OCA2: variants seen among roughly 807,000 people sequenced by gnomAD.
OCA2 encodes the protein P protein.
A neutral mutation model predicts 100.2 loss-of-function variants in OCA2; 77 were observed. That is an observed-to-expected ratio of 0.77 (90% CI 0.64 to 0.93). The LOEUF is 0.93. Ranked by LOEUF, OCA2 falls within the 40% of genes least tolerant of loss-of-function variation. The pLI is 0.00. For missense variants in OCA2, 1,062 were observed against 1,089.1 expected (o/e 0.98, Z 0.35); for synonymous variants, 432 against 439.2 (o/e 0.98, Z 0.21).
chr15:27,953,856 T>C (rs2040121171), intron 17 of OCA2, among the ~76,000 whole-genome samples: 1 of 152,048 alleles, frequency 6.6e-6, no homozygotes, highest in Non-Finnish European at 1.5e-5. Context: ...GGTGCTCCCA[T>C]AGCCTGAACA....
the OCA2 span, among the ~76,000 whole-genome samples, chr15:27,719,530 A>G: frequency 6.6e-6 from 1 of 152,220 alleles, no homozygotes; most frequent in African/African-American, 2.4e-5. Context: ...ACATGTAGGC[A>G]CACTCATACA....
intron 22 of OCA2, among the ~76,000 whole-genome samples, chr15:27,847,546 A>G (rs1453299224): frequency 6.6e-6 from 1 of 152,162 alleles, no homozygotes; most frequent in Non-Finnish European, 1.5e-5. Context: ...AGGAGGCCAA[A>G]GACAGGAGGC....
chr15:28,028,186 A>G, intron 3 of OCA2, 127 bp from the exon 4 acceptor site: 1 of 1,041,232 alleles, frequency 9.6e-7, no homozygotes, highest in Non-Finnish European at 1.5e-6. Context: ...GACCACAGAC[A>G]GTGGTGCACT....
rs535406472 is a variant in OCA2, at chr15:28,060,963, C to T, written c.227+20685G>A. On this transcript the variant is annotated intron_variant, in intron 2 of 23. Coordinates refer to ENST00000354638, the MANE Select transcript of OCA2 (RefSeq NM_000275.3). ...GAGGTGAATAGCCTTCTCTCCTGGG[C>T]GTTTGCCACAAACAATGAGCAGCAA... Among the ~76,000 whole-genome samples the T allele has an allele frequency of 5.9e-5, 9 of 152,322 alleles. No homozygotes were observed. In the South Asian group the frequency reaches 1.0e-3, roughly 18 times the overall value.
intron 23 of OCA2, among the ~76,000 whole-genome samples, chr15:27,811,685 C>T (rs2034084348): frequency 6.6e-6 from 1 of 152,150 alleles, no homozygotes; most frequent in South Asian, 2.1e-4. Flanking sequence ...GGACACAGGG[C>T]CGTGGCGTGT....
intron 3 of OCA2, among the ~76,000 whole-genome samples, chr15:28,029,824 T>C (rs1388010207): frequency 6.6e-6 from 1 of 152,182 alleles, no homozygotes; most frequent in Non-Finnish European, 1.5e-5. Flanking sequence ...GAAAAAGACA[T>C]TCCTACCACC....
intron 23 of OCA2, among the ~76,000 whole-genome samples, chr15:27,816,021 C>G (rs1304828433): frequency 2.0e-5 from 3 of 152,144 alleles, no homozygotes; most frequent in Non-Finnish European, 4.4e-5. Context: ...GTAGTCCCAG[C>G]TACTCAGGAG....
intron 18 of OCA2, among the ~76,000 whole-genome samples, chr15:27,941,102 T>C (rs2039631496): frequency 6.6e-6 from 1 of 152,230 alleles, no homozygotes; most frequent in African/African-American, 2.4e-5. Flanking sequence ...TGGTTTTCTA[T>C]AGTGAATATA....
chr15:27,810,371 G>A (rs1351080666), intron 23 of OCA2, among the ~76,000 whole-genome samples: 1 of 152,184 alleles, frequency 6.6e-6, no homozygotes, highest in Non-Finnish European at 1.5e-5. Flanking sequence ...ATGGATCAAA[G>A]ACTTAAATCT....
chr15:27,811,457 C>T (rs1176232333), intron 23 of OCA2, among the ~76,000 whole-genome samples: 1 of 152,078 alleles, frequency 6.6e-6, no homozygotes, highest in East Asian at 1.9e-4. Context: ...TCAGAATCCA[C>T]CACTATATAA....
rs60426286 is a variant in OCA2, at chr15:27,922,680, GGTGTGTGTGTGTGTGTGTGT to G, written c.2079+3427_2079+3446del. Among the ~76,000 whole-genome samples the G allele has an allele frequency of 6.1e-5, 9 of 147,108 alleles. No homozygotes were observed. The South Asian group carries it at 6.4e-4, about 11-fold the overall frequency. On this transcript the variant is annotated intron_variant, in intron 19 of 23. Coordinates refer to ENST00000354638, the MANE Select transcript of OCA2 (RefSeq NM_000275.3). ...ATAGCTTTTGTGGTTTTTTGTTTGG[GGTGTGTGTGTGTGTGTGTGT>G]GTGTGTGTGTGTGTGTGTGTGTTTC...
chr15:28,098,281 G>T (rs187588110), intron 1 of OCA2, among the ~76,000 whole-genome samples: 10 of 152,290 alleles, frequency 6.6e-5, no homozygotes, highest in Admixed American at 5.9e-4. Flanking sequence ...CTGTGTTCAG[G>T]TTCAATCCTC....
intron 18 of OCA2, among the ~76,000 whole-genome samples, chr15:27,945,788 G>A (rs1279120829): frequency 1.3e-5 from 2 of 152,078 alleles, no homozygotes; most frequent in Admixed American, 6.6e-5. Flanking sequence ...CATCATGAGA[G>A]AATCTGGGGT....
intron 8 of OCA2, 119 bp from the exon 9 acceptor site, chr15:28,015,048 T>C: frequency 1.8e-6 from 2 of 1,083,118 alleles, no homozygotes; most frequent in Non-Finnish European, 2.7e-6. Context: ...ACGCCCAATC[T>C]CACAGCTGGA....
At chr15:27,775,098 GTGTGTC>G (rs1459915276) in intron 23 of OCA2, among the ~76,000 whole-genome samples, 2 of 147,462 alleles carry the variant, frequency 1.4e-5, no homozygotes, top group African/African-American at 2.6e-5. Flanking sequence ...GTGTGTGTGT[GTGTGTC>G]TGTGTGTTTG....
At chr15:27,726,300 AAAATAAATAAATAAAT>A in the OCA2 span, among the ~76,000 whole-genome samples, 1,310 of 146,518 alleles carry the variant, frequency 8.9e-3, 18 homozygotes, top group African/African-American at 0.031. Flanking sequence ...TCCAGCTCAA[AAAATAAATAAATAAAT>A]AAATAAATAA....
chr15:27,933,113 G>C (rs1009724694), intron 18 of OCA2, among the ~76,000 whole-genome samples: 13 of 152,136 alleles, frequency 8.5e-5, no homozygotes, highest in African/African-American at 2.4e-4. Context: ...GAGGAAACTG[G>C]ATATCTGCAT....
chr15:28,028,081 G>C, intron 3 of OCA2, 22 bp from the exon 4 acceptor site: 1 of 1,613,188 alleles, frequency 6.2e-7, no homozygotes, highest in Non-Finnish European at 8.5e-7. Context: ...GAGAGGTGTG[G>C]TTATCTCTCC....
At chr15:27,752,657 G>T (rs1356630812), downstream of OCA2, among the ~76,000 whole-genome samples, 1 of 152,094 alleles carries the variant, frequency 6.6e-6, no homozygotes, top group Non-Finnish European at 1.5e-5. Flanking sequence ...AGGAAGAAAG[G>T]CATAAACTCA....
Sources: gnomAD v4.1 joint callset for allele counts (sites outside exome capture counted in the v4.1 genomes callset) on GRCh38, gnomAD v4.1.1 for gene constraint, MANE v1.5 for transcripts, NCBI Gene and HGNC (gene_info 2026-07-23, HGNC 2026-07-21) for gene names.